The following MFSD12 variants were observed in gnomAD, a reference collection of about 807,000 sequenced individuals.
MFSD12 encodes major facilitator superfamily domain-containing protein 12.
In MFSD12, 67 loss-of-function variants were observed where a neutral mutation model predicts 51.2. The ratio of observed to expected loss-of-function variants is 1.31; its 90% CI spans 1.08 to 1.60. The LOEUF (loss-of-function observed/expected upper bound fraction) is 1.60, where lower values mean the gene tolerates loss of function less well. MFSD12 is among the 40% of genes most tolerant of loss of function. MFSD12 has a pLI of 0.00. For missense variants in MFSD12, 921 were observed against 673.0 expected, an observed-to-expected ratio of 1.37 and a Z score of -4.08; for synonymous variants, 441 against 316.7, an observed-to-expected ratio of 1.39 and a Z score of -4.17.
downstream of MFSD12, chr19:3,542,727 C>T: frequency 7.6e-7 from 1 of 1,311,728 alleles, no homozygotes; most frequent in Admixed American, 2.3e-5. Flanking sequence ...AAGTGATCCA[C>T]CTGCCTCAGC....
At chr19:3,543,909 C>G, downstream of MFSD12, 1 of 1,551,144 alleles carries the variant, frequency 6.4e-7, no homozygotes. Flanking sequence ...ACCCCAGCGC[C>G]CGCCCGGCAC....
intron 4 of MFSD12, 129 bp downstream of exon 4, chr19:3,547,719 G>T (rs529918597): frequency 2.4e-6 from 3 of 1,239,028 alleles, no homozygotes; most frequent in South Asian, 3.1e-5. Context: ...GATGAGTGAC[G>T]TTTGCCCTGG....
Position 3,547,877 on chromosome 19 carries a change from G to A in MFSD12, c.808C>T (p.His270Tyr). 1 of 1,536,574 alleles carries A rather than the reference G, an allele frequency of 6.5e-7. No homozygotes were observed. Among genetic ancestry groups the A allele is most frequent in the Non-Finnish European group, 8.7e-7 (1 of 1,148,870 alleles). The change falls in exon 4 of 10, where the codon CAC (histidine) becomes TAC (tyrosine). Residue 270 changes from histidine to tyrosine, a missense_variant. His to Tyr is a moderately conservative substitution (Grantham distance 83, BLOSUM62 2). Transcript: ENST00000355415. Reference protein sequence around the residue: ...ATAQPLLLWKHWLREPAFYQV... With the variant: ...ATAQPLLLWKYWLREPAFYQV... The stretch of plus-strand genomic sequence containing the variant: ...TAGAAAGCCGGCTCCCGGAGCCAGT[G>A]CTTCCAGAGCAGCAGGGGCTGGGCC...
rs549233815 is a variant in MFSD12 at position 3,538,853 on chromosome 19, C to T, written c.*6-97G>A. On this transcript the variant is annotated intron_variant, in intron 4 of 4. Coordinates refer to the MFSD12 transcript ENST00000398558. ...GACCCCGGCCAGGCACTGCCTCCTG[C>T]GATCGAAGGGGCAGGGGGAGACAGA... The T allele has an allele frequency of 1.2e-5, 7 of 572,250 alleles. No homozygotes were observed. In the East Asian group the frequency reaches 1.7e-4, roughly 14 times the overall value. The allele number at this position is 572,250 out of a possible 1,614,324, so 35.4% of individuals were successfully genotyped here.
At chr19:3,556,587 T>G (rs2031734506) in intron 1 of MFSD12, among the ~76,000 whole-genome samples, 2 of 126,294 alleles carry the variant, frequency 1.6e-5, no homozygotes, top group African/African-American at 3.2e-5. Context: ...CACAGCACAG[T>G]CAGACGGGGG....
At position 3,544,488 on chromosome 19, in the gene MFSD12, G is replaced by A; in HGVS notation, c.*222C>T. The A allele has an allele frequency of 7.2e-7, 1 of 1,390,986 alleles. No individual in the cohort carries two copies. The highest frequency in any genetic ancestry group is 1.8e-5 in the South Asian group (1 of 56,668). 86.2% of individuals were successfully genotyped at this position (1,390,986 alleles called of 1,614,324 possible). On this transcript the variant is annotated 3_prime_UTR_variant, in exon 10 of 10. Coordinates refer to ENST00000355415, the MANE Select transcript of MFSD12 (RefSeq NM_174983.5). ...TCCTCCAGAGGGCTGGGATGGATTA[G>A]AGTTGAGAATGGGACACCCTCAAAA...
chr19:3,544,289 A>C lies in MFSD12; in HGVS notation c.*421T>G. ...CCACGGTGGGGTCCAGGCCCAGCCC[A>C]CCACCCCGTGGCTGTCTCCTCCAGG... On this transcript the variant is annotated 3_prime_UTR_variant, in exon 10 of 10. Transcript: ENST00000355415. The C allele has an allele frequency of 7.8e-7, 1 of 1,284,316 alleles. No individual in the cohort carries two copies. Among genetic ancestry groups the C allele is most frequent in the Non-Finnish European group, 9.8e-7 (1 of 1,016,188 alleles). 79.6% of individuals were successfully genotyped at this position (1,284,316 alleles called of 1,614,324 possible). A position where few individuals can be genotyped will look rare whatever the true frequency, so the allele number is the denominator to read the frequency against.
Position 3,547,840 on chromosome 19 carries a change from G to C in MFSD12, c.837+8C>G, listed in dbSNP as rs2031197780. ...GCCCACGCCAGCCCCACCGTCCCCA[G>C]CACGCACCTGGTAGAAAGCCGGCTC... On this transcript the variant is annotated splice_region_variant and intron_variant, in intron 4 of 9. Transcript: ENST00000355415. 1 of 1,490,460 alleles carries C rather than the reference G, an allele frequency of 6.7e-7. No homozygotes were observed. The highest frequency in any genetic ancestry group is 1.3e-5 in the South Asian group (1 of 74,446). The allele number at this position is 1,490,460 out of a possible 1,614,324, so 92.3% of individuals were successfully genotyped here.
Position 3,547,924 on chromosome 19 carries a change from G to A in MFSD12, c.761C>T (p.Thr254Ile). ...RPHAEEPGEH[T>I]PLLAPATAQP... ...GGCCGTGGCAGGGGCCAACAGGGGG[G>A]TGTGCTCGCCTGGCTCCTCCGCATG... Residue 254 changes from threonine to isoleucine, a missense_variant, in exon 4 of 10, where the codon ACC becomes ATC. Transcript: ENST00000355415. 1 of 1,584,950 alleles carries A rather than the reference G, an allele frequency of 6.3e-7. No homozygotes were observed. Among genetic ancestry groups the A allele is most frequent in the Non-Finnish European group, 8.5e-7 (1 of 1,172,860 alleles).
chr19:3,544,521 G>C lies in MFSD12; in HGVS notation c.*189C>G. Reference sequence around the variant, plus strand: ...AATGGGACACCCTCAAAACCCAGGGGGTCCTTGCAAGTCCCTGGCGGGCAT... The same window carrying C: ...AATGGGACACCCTCAAAACCCAGGGCGTCCTTGCAAGTCCCTGGCGGGCAT... On this transcript the variant is annotated 3_prime_UTR_variant, in exon 10 of 10. Transcript: ENST00000355415. 3.6e-6 allele frequency: 5 copies of C among 1,405,524 alleles called. No homozygotes were observed. The highest frequency in any genetic ancestry group is 3.7e-6 in the Non-Finnish European group (4 of 1,082,378). The allele number at this position is 1,405,524 out of a possible 1,614,324, so 87.1% of individuals were successfully genotyped here. A position where few individuals can be genotyped will look rare whatever the true frequency, so the allele number is the denominator to read the frequency against.
intron 3 of MFSD12, 27 bp from the exon 4 acceptor site, chr19:3,548,057 G>T (rs765056138): frequency 1.9e-6 from 3 of 1,600,076 alleles, no homozygotes; most frequent in Non-Finnish European, 2.5e-6. Context: ...AGCAGTCAGT[G>T]GTGGCGGGCC....
In MFSD12 at chr19:3,544,545, A is replaced by T. The variant is rs185742967; in HGVS notation, c.*165T>A. 1.4e-6 allele frequency: 2 copies of T among 1,415,394 alleles called. No homozygotes were observed. The highest frequency in any genetic ancestry group is 3.2e-5 in the South Asian group (2 of 62,436). 87.7% of individuals were successfully genotyped at this position (1,415,394 alleles called of 1,614,324 possible). A position where few individuals can be genotyped will look rare whatever the true frequency, so the allele number is the denominator to read the frequency against. On this transcript the variant is annotated 3_prime_UTR_variant, in exon 10 of 10. Transcript: ENST00000355415. ...GGGTCCTTGCAAGTCCCTGGCGGGCATCCCTGCTGCCCTCACCCGACCCCA... is the reference window on the plus strand; with the variant it reads ...GGGTCCTTGCAAGTCCCTGGCGGGCTTCCCTGCTGCCCTCACCCGACCCCA...
chr19:3,550,930 A>G, intron 2 of MFSD12, 54 bp downstream of exon 2: 6 of 1,494,732 alleles, frequency 4.0e-6, no homozygotes, highest in Non-Finnish European at 5.5e-6. Flanking sequence ...CCACTGACTG[A>G]TACACCGAGC....
chr19:3,548,009 C>G lies in MFSD12; in HGVS notation c.676G>C (p.Gly226Arg), dbSNP rs1486633352. Residue 226 changes from glycine to arginine, a missense_variant, in exon 4 of 10, where the codon GGT becomes CGT. Gly to Arg is a moderately radical substitution (Grantham distance 125, BLOSUM62 -2). Transcript: ENST00000355415. The part of the protein sequence containing the change: ...VFRNLSLLVV[G>R]VGAVFSLLFH... ...AGCAGTGAGAACACGGCGCCGACAC[C>G]CACCACCAGCAGGGACAGGTTCTGG... The G allele has an allele frequency of 1.3e-6, 2 of 1,599,284 alleles. No individual in the cohort carries two copies. The highest frequency in any genetic ancestry group is 1.3e-5 in the African/African-American group (1 of 74,908).
chr19:3,555,047 A>C (rs1470699579), intron 1 of MFSD12, among the ~76,000 whole-genome samples: 1 of 152,126 alleles, frequency 6.6e-6, no homozygotes, highest in Non-Finnish European at 1.5e-5. Flanking sequence ...TGGTTCCCTG[A>C]GGTCTGCTTT....
chr19:3,538,463 C>T (rs1281550029), exon 5 of MFSD12: 2 of 326,312 alleles, frequency 6.1e-6, no homozygotes, highest in Non-Finnish European at 1.2e-5. Context: ...TCCCCAGTCC[C>T]GGCACCCACG....
chr19:3,543,037 G>T, downstream of MFSD12: 1 of 1,606,428 alleles, frequency 6.2e-7, no homozygotes, highest in Non-Finnish European at 8.5e-7. Context: ...GTGGGGAGAG[G>T]GGGAGTCAGC....
At chr19:3,540,247 C>T (rs892719728), downstream of MFSD12, among the ~76,000 whole-genome samples, 2 of 151,108 alleles carry the variant, frequency 1.3e-5, no homozygotes, top group African/African-American at 2.5e-5. Flanking sequence ...GTTTGTGCCA[C>T]ATGCCCAGCT....
chr19:3,546,002 G>A (rs2030989466), intron 8 of MFSD12, 72 bp downstream of exon 8: 3 of 1,516,320 alleles, frequency 2.0e-6, no homozygotes, highest in African/African-American at 1.4e-5. Flanking sequence ...CCAGAACACT[G>A]CTGGACACAC....
Sources: gnomAD v4.1 joint callset for allele counts (sites outside exome capture counted in the v4.1 genomes callset) on GRCh38, gnomAD v4.1.1 for gene constraint, MANE v1.5 for transcripts, NCBI Gene and HGNC (gene_info 2026-07-23, HGNC 2026-07-21) for gene names.